Variants in ZNF358 observed in about 807,000 individuals in gnomAD.
ZNF358 encodes zinc finger protein 358.
A neutral mutation model predicts 2.1 loss-of-function variants in ZNF358; 1 was observed. That is an observed-to-expected ratio of 0.49 (90% CI 0.17 to 2.30). The LOEUF is 2.30. ZNF358 is among the 30% of genes most tolerant of loss of function. ZNF358 has a pLI of 0.26. For missense variants in ZNF358, 665 were observed against 806.8 expected, an observed-to-expected ratio of 0.82 and a Z score of 2.13; for synonymous variants, 381 against 359.7, an observed-to-expected ratio of 1.06 and a Z score of -0.67.
chr19:7,515,847 A>G (rs2022328800), upstream of ZNF358, among the ~76,000 whole-genome samples: 1 of 152,114 alleles, frequency 6.6e-6, no homozygotes, highest in Non-Finnish European at 1.5e-5. Flanking sequence ...AGAGACAGAG[A>G]GAGGGACAGG....
In ZNF358 at chr19:7,519,726, C is replaced by A; in HGVS notation, c.484C>A (p.Arg162Ser). 1 of 1,564,216 alleles carries A rather than the reference C, an allele frequency of 6.4e-7. No homozygotes were observed. The highest frequency in any genetic ancestry group is 8.6e-7 in the Non-Finnish European group (1 of 1,162,628). ...SCPDCGRAFR[R>S]SSGLSQHRRT... ...CCCGGATTGCGGGCGAGCCTTCCGCCGCAGCTCCGGGCTGAGCCAGCATCG... is the reference window on the plus strand; with the variant it reads ...CCCGGATTGCGGGCGAGCCTTCCGCAGCAGCTCCGGGCTGAGCCAGCATCG... Residue 162 changes from arginine (R) to serine (S), a missense_variant, in exon 2 of 2, where the codon CGC becomes AGC. Transcript: ENST00000597229.
chr19:7,518,557 G>GAGAA (rs3029872), intron 1 of ZNF358, among the ~76,000 whole-genome samples: 4,119 of 116,102 alleles, frequency 0.035, 110 homozygotes, highest in African/African-American at 0.052. Flanking sequence ...GAGAGAGAGA[G>GAGAA]AGAAAGAAAG....
In ZNF358 at chr19:7,520,046, C is replaced by T; in HGVS notation, c.804C>T (p.Cys268=). 3 of 1,553,538 alleles carry T rather than the reference C, an allele frequency of 1.9e-6. No individual in the cohort carries two copies. The highest frequency in any genetic ancestry group is 4.8e-5 in the East Asian group (2 of 41,630). The change falls in exon 2 of 2, where the codon TGC becomes TGT. Residue 268 remains cysteine (C), a synonymous_variant. Coordinates refer to ENST00000597229, the MANE Select transcript of ZNF358 (RefSeq NM_018083.5). This position sits in a 1 kb window ranked among gnomAD's most constrained non-coding sequence, Gnocchi z 6.0. Reference sequence around the variant, plus strand: ...CGCGGCCCCACAAGTGCCCGGTGTGCGCCAAGGGCTTCGGCCAGGGCTCTG... The same window carrying T: ...CGCGGCCCCACAAGTGCCCGGTGTGTGCCAAGGGCTTCGGCCAGGGCTCTG... ...GGPRPHKCPV[C]AKGFGQGSAL...
At position 7,519,752 on chromosome 19, in the gene ZNF358, C is replaced by T. The variant is rs775053980; in HGVS notation, c.510C>T (p.Arg170=). ...FRRSSGLSQH[R]RTHSGEKPYR... ...GCAGCTCCGGGCTGAGCCAGCATCG[C>T]CGCACGCACAGCGGCGAGAAGCCGT... Residue 170 remains arginine, a synonymous_variant, in exon 2 of 2, where the codon CGC becomes CGT. Transcript: ENST00000597229. 3 of 1,536,292 alleles carry T rather than the reference C, an allele frequency of 2.0e-6. No individual in the cohort carries two copies. The South Asian group carries it at 3.6e-5, about 18-fold the overall frequency.
At chr19:7,515,320 T>TCCCGG (rs908063262), upstream of ZNF358, 1 of 152,100 alleles carries the variant, frequency 6.6e-6, no homozygotes, top group Non-Finnish European at 1.5e-5. Flanking sequence ...CCCGAGCCCT[T>TCCCGG]CCCGGCCCGG....
rs370585323 is a variant in ZNF358 at position 7,519,464 on chromosome 19, C to G, written c.222C>G (p.Asp74Glu). The G allele has an allele frequency of 1.2e-5, 20 of 1,613,930 alleles. No individual in the cohort carries two copies. The highest frequency in any genetic ancestry group is 1.6e-5 in the Non-Finnish European group (19 of 1,180,036). ...LEPVSEDLDP[D>E]AEAPGSEPQD... The stretch of plus-strand genomic sequence containing the variant: ...CCGTCTCGGAGGATCTGGACCCCGA[C>G]GCCGAAGCTCCGGGCTCGGAACCCC... The change falls in exon 2 of 2, where the codon GAC (aspartate) becomes GAG (glutamate). Residue 74 changes from aspartate to glutamate, a missense_variant. This residue lies in a region of ZNF358 where 206 missense variants were observed against 228.4 expected (regional missense o/e 0.90). Coordinates refer to ENST00000597229, the MANE Select transcript of ZNF358 (RefSeq NM_018083.5).
At chr19:7,517,920 G>A (rs2022367156) in intron 1 of ZNF358, among the ~76,000 whole-genome samples, 1 of 152,166 alleles carries the variant, frequency 6.6e-6, no homozygotes, top group South Asian at 2.1e-4. Context: ...CTGGAGGGGG[G>A]CCTCCCTACC....
intron 1 of ZNF358, among the ~76,000 whole-genome samples, chr19:7,518,860 T>C (rs78057307): frequency 0.23 from 35,531 of 151,310 alleles, 4,613 homozygotes; most frequent in Admixed American, 0.29. Context: ...AGGTCAGGAG[T>C]TTGAGACCAG....
At chr19:7,519,108 A>G in intron 1 of ZNF358, 97 bp from the exon 2 acceptor site, 1 of 1,400,284 alleles carries the variant, frequency 7.1e-7, no homozygotes, top group Middle Eastern at 2.6e-4. Flanking sequence ...CTGGGGGCAC[A>G]ATCGGGTCCC....
intron 1 of ZNF358, among the ~76,000 whole-genome samples, chr19:7,517,816 T>C (rs1475205717): frequency 6.6e-6 from 1 of 152,218 alleles, no homozygotes; most frequent in Non-Finnish European, 1.5e-5. Flanking sequence ...AGAGTCTTCT[T>C]GTCTTTCCCC....
Position 7,520,466 on chromosome 19 carries a change from C to T in ZNF358, c.1224C>T (p.Ala408=), listed in dbSNP as rs778571532. 1.4e-5 allele frequency: 16 copies of T among 1,124,774 alleles called. No individual in the cohort carries two copies. The highest frequency in any genetic ancestry group is 2.9e-5 in the South Asian group (2 of 67,866). 69.7% of individuals were successfully genotyped at this position (1,124,774 alleles called of 1,614,324 possible). The stretch of plus-strand genomic sequence containing the variant: ...CAGCCGCTGCTGCAGCTGCCGCGGC[C>T]GCTGCAGCTGCAGCAGCGGCCGCCG... ...EGAAAAAAAA[A]AAAAAAAAGL... The change falls in exon 2 of 2, where the codon GCC becomes GCT. Residue 408 remains alanine, a synonymous_variant. Transcript: ENST00000597229. The surrounding 1 kb of genome is among the most constrained non-coding windows in gnomAD (Gnocchi z 6.0).
chr19:7,514,920 C>T (rs1243286051), upstream of ZNF358, among the ~76,000 whole-genome samples: 8 of 152,272 alleles, frequency 5.3e-5, no homozygotes, highest in East Asian at 3.9e-4. Context: ...CATGAGCTAC[C>T]GCACCCAGCC....
chr19:7,519,613 C>T lies in ZNF358; in HGVS notation c.371C>T (p.Ser124Phe). 6.3e-7 allele frequency: 1 copy of T among 1,598,056 alleles called. No individual in the cohort carries two copies. The highest frequency in any genetic ancestry group is 8.5e-7 in the Non-Finnish European group (1 of 1,179,048). The change falls in exon 2 of 2, where the codon TCC becomes TTC. Residue 124 changes from serine to phenylalanine, a missense_variant. Ser to Phe is a radical substitution (Grantham distance 155). Coordinates refer to ENST00000597229, the MANE Select transcript of ZNF358 (RefSeq NM_018083.5). Reference sequence around the variant, plus strand: ...GGCGATCCAAAAGTGGACCCCATCTCCTCTGGCCTCACTGCCACCCCCCAG... The same window carrying T: ...GGCGATCCAAAAGTGGACCCCATCTTCTCTGGCCTCACTGCCACCCCCCAG... ...SPGDPKVDPI[S>F]SGLTATPQVL... is the part of the protein sequence containing the mutation.
Position 7,516,781 on chromosome 19 carries a change from A to T in ZNF358, c.-39+532A>T, listed in dbSNP as rs1429066277. Reference sequence around the variant, plus strand: ...AAGCTCCTTTCCCTGGAGGTGATCCAGGGGTCCACCTGCCCTCACCCCTGG... The same window carrying T: ...AAGCTCCTTTCCCTGGAGGTGATCCTGGGGTCCACCTGCCCTCACCCCTGG... On this transcript the variant is annotated intron_variant, in intron 1 of 1. Coordinates refer to ENST00000597229, the MANE Select transcript of ZNF358 (RefSeq NM_018083.5). The surrounding 1 kb of genome is among the most constrained non-coding windows in gnomAD (Gnocchi z 5.9). 2.6e-5 allele frequency among the ~76,000 whole-genome samples: 4 copies of T among 152,010 alleles called. No individual in the cohort carries two copies. The highest frequency in any genetic ancestry group is 1.5e-5 in the Non-Finnish European group (1 of 67,944).
chr19:7,519,117 C>G, intron 1 of ZNF358, 88 bp from the exon 2 acceptor site: 7 of 1,447,808 alleles, frequency 4.8e-6, no homozygotes, highest in Non-Finnish European at 6.4e-6. Context: ...CAATCGGGTC[C>G]CGTCTCTCAT....
At position 7,521,023 on chromosome 19, in the gene ZNF358, C is replaced by T. The variant is rs2022481473; in HGVS notation, c.*74C>T. 1.9e-6 allele frequency: 3 copies of T among 1,551,886 alleles called. No individual in the cohort carries two copies. Among genetic ancestry groups the T allele is most frequent in the Non-Finnish European group, 2.6e-6 (3 of 1,146,882 alleles). ...GTCAGTAAAATCCTCCCACTGCCTC[C>T]GGGCTCTGTGTCGTGGCTTGCCTTT... On this transcript the variant is annotated 3_prime_UTR_variant, in exon 2 of 2. Coordinates refer to ENST00000597229, the MANE Select transcript of ZNF358 (RefSeq NM_018083.5).
Position 7,520,387 on chromosome 19 carries a change from A to G in ZNF358, c.1145A>G (p.Lys382Arg), listed in dbSNP as rs1133966. The change falls in exon 2 of 2, where the codon AAG becomes AGG. Residue 382 changes from lysine to arginine, a missense_variant. Around this residue, in one of 3 missense-constraint regions of ZNF358, gnomAD observed 210 missense variants for 350.8 expected, o/e 0.60. Coordinates refer to ENST00000597229, the MANE Select transcript of ZNF358 (RefSeq NM_018083.5). This position sits in a 1 kb window ranked among gnomAD's most constrained non-coding sequence, Gnocchi z 6.0. ...CCCTATCGCTGTCAGCTCTGCGGGA[A>G]GGCCTTCGGCCAGGCCTCCAGCCTC... ...ERPYRCQLCG[K>R]AFGQASSLTK... 1 of 1,611,038 alleles carries G rather than the reference A, an allele frequency of 6.2e-7. No individual in the cohort carries two copies. Among genetic ancestry groups the G allele is most frequent in the Non-Finnish European group, 8.5e-7 (1 of 1,179,160 alleles).
At position 7,520,541 on chromosome 19, in the gene ZNF358, G is replaced by A; in HGVS notation, c.1299G>A (p.Gly433=). The part of the protein sequence containing the change: ...GLSPASMMRP[G]QVSLLGPDAV... ...GCCCTGCATCCATGATGAGGCCGGG[G>A]CAGGTCTCCCTCCTGGGTCCTGATG... is the stretch of plus-strand genomic sequence containing the variant. Residue 433 remains glycine (G), a synonymous_variant, in exon 2 of 2, where the codon GGG becomes GGA. Transcript: ENST00000597229. This position sits in a 1 kb window ranked among gnomAD's most constrained non-coding sequence, Gnocchi z 6.0. 3 of 1,253,168 alleles carry A rather than the reference G, an allele frequency of 2.4e-6. No individual in the cohort carries two copies. The highest frequency in any genetic ancestry group is 1.3e-5 in the South Asian group (1 of 78,034). The allele number at this position is 1,253,168 out of a possible 1,614,324, so 77.6% of individuals were successfully genotyped here.
rs1568395761 is a variant in ZNF358 at position 7,520,592 on chromosome 19, G to C, written c.1350G>C (p.Leu450Phe). ...PDAVSVLGSG[L>F]GLSPGTSSGR... is the part of the protein sequence containing the mutation. Reference sequence around the variant, plus strand: ...CTGTTTCTGTGCTCGGCTCTGGCTTGGGCCTCAGCCCTGGCACCAGCTCTG... The same window carrying C: ...CTGTTTCTGTGCTCGGCTCTGGCTTCGGCCTCAGCCCTGGCACCAGCTCTG... The change falls in exon 2 of 2, where the codon TTG becomes TTC. Residue 450 changes from leucine (L) to phenylalanine (F), a missense_variant. This residue lies in a region of ZNF358 where 249 missense variants were observed against 227.6 expected (regional missense o/e 1.09). Transcript: ENST00000597229. This position sits in a 1 kb window ranked among gnomAD's most constrained non-coding sequence, Gnocchi z 6.0. 4.4e-6 allele frequency: 6 copies of C among 1,377,182 alleles called. No individual in the cohort carries two copies. Among genetic ancestry groups the C allele is most frequent in the Non-Finnish European group, 6.1e-6 (6 of 987,890 alleles). 85.3% of individuals were successfully genotyped at this position (1,377,182 alleles called of 1,614,324 possible). A position where few individuals can be genotyped will look rare whatever the true frequency, so the allele number is the denominator to read the frequency against.
Sources: allele counts gnomAD v4.1 joint callset (sites outside exome capture counted in the v4.1 genomes callset), GRCh38; gene constraint gnomAD v4.1.1; regional missense constraint gnomAD v4.1.1; non-coding constraint Gnocchi (gnomAD v3.1); transcripts MANE v1.5; gene names NCBI Gene and HGNC (gene_info 2026-07-23, HGNC 2026-07-21).